The following KAZN variants were observed in gnomAD, a reference collection of about 807,000 sequenced individuals.
KAZN encodes kazrin, periplakin interacting protein.
Under a neutral mutation model 87.4 loss-of-function variants are expected in KAZN, and 40 were observed. The observed-to-expected ratio is 0.46, with a 90% confidence interval of 0.36 to 0.60. KAZN has a LOEUF of 0.60. Ranked by LOEUF, KAZN falls within the 20% of genes least tolerant of loss-of-function variation. The pLI is 0.00. For synonymous variants in KAZN, 466 were observed against 458.3 expected, an observed-to-expected ratio of 1.02 and a Z score of -0.22; for missense variants, 898 against 1,073.9, an observed-to-expected ratio of 0.84 and a Z score of 2.29.
chr1:14,930,255 AG>A (rs1340871304), intron 1 of KAZN, among the ~76,000 whole-genome samples: 2 of 152,104 alleles, frequency 1.3e-5, no homozygotes, highest in African/African-American at 4.8e-5. Context: ...TTGGATTCGG[AG>A]GCTGGCTCAG....
At chr1:14,736,606 C>T (rs762569584) in intron 1 of KAZN, among the ~76,000 whole-genome samples, 2 of 151,612 alleles carry the variant, frequency 1.3e-5, no homozygotes, top group East Asian at 1.9e-4. Context: ...CCACCACTCT[C>T]GGCCAAGGGT....
At chr1:14,555,573 A>G (rs1427158827) in intron 2 of KAZN, among the ~76,000 whole-genome samples, 1 of 152,240 alleles carries the variant, frequency 6.6e-6, no homozygotes, top group Non-Finnish European at 1.5e-5. Flanking sequence ...CTGGAGATCA[A>G]AATGCCGTGT....
chr1:14,231,244 TTC>T (rs1274551937), intron 2 of KAZN, among the ~76,000 whole-genome samples: 2 of 152,212 alleles, frequency 1.3e-5, no homozygotes, highest in South Asian at 2.1e-4. Context: ...TCAAATGACT[TTC>T]TCTCTCTCCT....
At position 13,961,811 on chromosome 1, in the gene KAZN, C is replaced by T. The variant is rs72639093; in HGVS notation, c.91+68055C>T. On this transcript the variant is annotated intron_variant, in intron 1 of 16. Transcript: ENST00000636203. ...AGGATCCACGTCTAATTCTCTTTAT[C>T]CTCTGTCCCCAGCACACTTGGAAAT... Among the ~76,000 whole-genome samples, 438 of 152,290 alleles carry T rather than the reference C, an allele frequency of 2.9e-3. 2 individuals are homozygous for T. The highest frequency in any genetic ancestry group is 5.1e-3 in the Non-Finnish European group (347 of 68,024).
chr1:14,615,689 G>A (rs978248151), intron 1 of KAZN, among the ~76,000 whole-genome samples: 5 of 151,820 alleles, frequency 3.3e-5, no homozygotes, highest in South Asian at 4.2e-4. Context: ...GAGGCTTGTG[G>A]TTCCAATCGT....
At chr1:14,738,922 C>T (rs1644000268) in intron 1 of KAZN, among the ~76,000 whole-genome samples, 1 of 152,144 alleles carries the variant, frequency 6.6e-6, no homozygotes, top group Admixed American at 6.5e-5. Flanking sequence ...TCTGTAATCC[C>T]AGCACGGTGG....
chr1:15,103,298 T>C, intron 11 of KAZN, 61 bp from the exon 12 acceptor site: 1 of 1,273,702 alleles, frequency 7.9e-7, no homozygotes, highest in Admixed American at 2.0e-5. Context: ...GCACCCCCAC[T>C]CCACACGTGG....
At chr1:14,956,768 A>G (rs958318231) in intron 1 of KAZN, among the ~76,000 whole-genome samples, 1 of 152,148 alleles carries the variant, frequency 6.6e-6, no homozygotes, top group African/African-American at 2.4e-5. Context: ...AAGAGTATTG[A>G]TCGAGAGGAG....
chr1:14,030,463 G>A (rs1641272245), intron 1 of KAZN, among the ~76,000 whole-genome samples: 1 of 151,594 alleles, frequency 6.6e-6, no homozygotes, highest in African/African-American at 2.4e-5. Flanking sequence ...ATAGCATTGG[G>A]AGATACACCT....
chr1:14,141,609 G>A (rs1645241833), intron 1 of KAZN, among the ~76,000 whole-genome samples: 1 of 152,140 alleles, frequency 6.6e-6, no homozygotes, highest in South Asian at 2.1e-4. Flanking sequence ...ATTGAGATTA[G>A]AGGGGAAACA....
chr1:14,462,563 A>G (rs564778013), intron 2 of KAZN, among the ~76,000 whole-genome samples: 1 of 152,190 alleles, frequency 6.6e-6, no homozygotes, highest in East Asian at 1.9e-4. Context: ...CCAGTGTACT[A>G]GTTTGTTCTC....
chr1:14,462,943 C>A (rs888830742), intron 2 of KAZN, among the ~76,000 whole-genome samples: 1 of 152,078 alleles, frequency 6.6e-6, no homozygotes, highest in African/African-American at 2.4e-5. Context: ...AGAATTCAAG[C>A]GTGAGCTGGT....
intron 2 of KAZN, among the ~76,000 whole-genome samples, chr1:14,313,310 T>C (rs573660160): frequency 6.6e-6 from 1 of 152,294 alleles, no homozygotes; most frequent in East Asian, 1.9e-4. Context: ...AATAGAATCA[T>C]GTGTACTCTT....
Position 14,938,006 on chromosome 1 carries a change from A to G in KAZN, c.227-22678A>G, listed in dbSNP as rs553258726. On this transcript the variant is annotated intron_variant, in intron 1 of 14. Transcript: ENST00000376030. ...GGGCGTTTTAGCCTTCCTTGTGTAGAACAGGCTCCCCTCACTGAGCTAGGA... is the reference window on the plus strand; with the variant it reads ...GGGCGTTTTAGCCTTCCTTGTGTAGGACAGGCTCCCCTCACTGAGCTAGGA... Among the ~76,000 whole-genome samples, 4 of 152,320 alleles carry G rather than the reference A, an allele frequency of 2.6e-5. No homozygotes were observed. The South Asian group carries it at 8.3e-4, about 32-fold the overall frequency.
At chr1:14,845,507 A>G (rs564358103) in intron 1 of KAZN, among the ~76,000 whole-genome samples, 1 of 146,614 alleles carries the variant, frequency 6.8e-6, no homozygotes, top group African/African-American at 2.5e-5. Context: ...GGATGGATGG[A>G]TAAGTGGATG....
At chr1:14,639,587 G>A (rs1030967726) in intron 1 of KAZN, among the ~76,000 whole-genome samples, 8 of 152,100 alleles carry the variant, frequency 5.3e-5, no homozygotes, top group Non-Finnish European at 1.0e-4. Flanking sequence ...GGGAGAGGCC[G>A]AGTGGCTTCC....
At chr1:14,300,472 G>A (rs1431235774) in intron 2 of KAZN, among the ~76,000 whole-genome samples, 1 of 152,126 alleles carries the variant, frequency 6.6e-6, no homozygotes, top group African/African-American at 2.4e-5. Flanking sequence ...TTGGGCTCAA[G>A]GGATCCTCCT....
intron 1 of KAZN, among the ~76,000 whole-genome samples, chr1:14,724,034 T>C (rs1416207457): frequency 2.0e-5 from 3 of 152,190 alleles, no homozygotes; most frequent in Non-Finnish European, 4.4e-5. Flanking sequence ...ATTCGTTGAT[T>C]TATTTAAAAG....
At position 14,916,495 on chromosome 1, in the gene KAZN, A is replaced by G. The variant is rs756119989; in HGVS notation, c.227-44189A>G. ...ACCCAGTCTATTCTTTTAATTCTCA[A>G]TAAGCTGCAACATTTTAACTTTCTG... On this transcript the variant is annotated intron_variant, in intron 1 of 14. Transcript: ENST00000376030. Among the ~76,000 whole-genome samples, 6 of 152,182 alleles carry G rather than the reference A, an allele frequency of 3.9e-5. No individual in the cohort carries two copies. In the East Asian group the frequency reaches 7.7e-4, roughly 20 times the overall value.
Sources: allele counts gnomAD v4.1 joint callset (sites outside exome capture counted in the v4.1 genomes callset), GRCh38; gene constraint gnomAD v4.1.1; transcripts MANE v1.5; gene names NCBI Gene and HGNC (gene_info 2026-07-23, HGNC 2026-07-21).